Variants in TSG101 observed in about 807,000 individuals in gnomAD.
TSG101 encodes the protein tumor susceptibility 101.
A neutral mutation model predicts 48.5 loss-of-function variants in TSG101; 19 were observed. The observed-to-expected ratio is 0.39, with a 90% CI of 0.27 to 0.58. The LOEUF (loss-of-function observed/expected upper bound fraction) is 0.58. Among genes scored for constraint, TSG101 ranks in the 20% least tolerant of loss-of-function variants. The pLI is 0.55. For missense variants in TSG101, 365 were observed against 484.4 expected (o/e 0.75, Z 2.31); for synonymous variants, 174 against 169.4 (o/e 1.03, Z -0.21).
At chr11:18,496,831 C>T (rs2133913220) in intron 7 of TSG101, among the ~76,000 whole-genome samples, 1 of 152,240 alleles carries the variant, frequency 6.6e-6, no homozygotes, top group South Asian at 2.1e-4. Context: ...TGGCTCAGGC[C>T]TGTAATACCA....
At chr11:18,497,112 C>G (rs1435368874) in intron 7 of TSG101, among the ~76,000 whole-genome samples, 1 of 151,834 alleles carries the variant, frequency 6.6e-6, no homozygotes, top group African/African-American at 2.4e-5. Flanking sequence ...ACAAAAAAAA[C>G]AAGGATAAAT....
At chr11:18,490,793 C>T (rs1849687565) in intron 7 of TSG101, 11 of 524,818 alleles carry the variant, frequency 2.1e-5, no homozygotes, top group South Asian at 3.1e-5. Flanking sequence ...AGGAAAGCAG[C>T]GGGCACCAAC....
intron 1 of TSG101, among the ~76,000 whole-genome samples, chr11:18,526,152 A>G (rs1203014522): frequency 1.3e-5 from 2 of 151,748 alleles, no homozygotes; most frequent in African/African-American, 4.8e-5. Flanking sequence ...AAAAAACACT[A>G]GTCTTGAGCC....
rs765179537 is a variant in TSG101 at position 18,483,999 on chromosome 11, C to T, written c.714G>A (p.Leu238=). 6.2e-7 allele frequency: 1 copy of T among 1,614,226 alleles called. No individual in the cohort carries two copies. The highest frequency in any genetic ancestry group is 1.1e-5 in the South Asian group (1 of 91,088). The change falls in exon 8 of 10, where the codon CTG becomes CTA. Residue 238 remains leucine (L), a synonymous_variant. Coordinates refer to ENST00000251968, the MANE Select transcript of TSG101 (RefSeq NM_006292.4). The part of the protein sequence containing the change: ...ASLISAVSDK[L]RWRMKEEMDR... ...CCATTTCCTCCTTCATCCGCCATCT[C>T]AGTTTGTCACTGACCGCAGAGATGA...
In TSG101 at chr11:18,503,118, G is replaced by C. The variant is rs568159778; in HGVS notation, c.549-541C>G. ...CATTCATGTATTCGTATCAAAGTCA[G>C]AGGAACTTTCCTTAGAGGTATTCTA... is the stretch of plus-strand genomic sequence containing the variant. On this transcript the variant is annotated intron_variant, in intron 6 of 9. Transcript: ENST00000251968. Among the ~76,000 whole-genome samples, 4 of 152,246 alleles carry C rather than the reference G, an allele frequency of 2.6e-5. No homozygotes were observed. In the South Asian group the frequency reaches 8.3e-4, roughly 32 times the overall value.
intron 9 of TSG101, among the ~76,000 whole-genome samples, chr11:18,480,989 T>C (rs1248479675): frequency 6.6e-6 from 1 of 152,080 alleles, no homozygotes; most frequent in African/African-American, 2.4e-5. Flanking sequence ...GTTTGGCCAT[T>C]CCCCCACAGT....
At chr11:18,494,017 A>T (rs138571842) in intron 7 of TSG101, among the ~76,000 whole-genome samples, 7 of 152,306 alleles carry the variant, frequency 4.6e-5, no homozygotes, top group African/African-American at 1.7e-4. Flanking sequence ...CACAATCAAT[A>T]AGAAAAAATT....
intron 7 of TSG101, among the ~76,000 whole-genome samples, chr11:18,501,087 C>T (rs531220912): frequency 1.3e-5 from 2 of 152,322 alleles, no homozygotes; most frequent in Non-Finnish European, 2.9e-5. Context: ...GGATTACAGA[C>T]GTGAGCCACT....
intron 2 of TSG101, among the ~76,000 whole-genome samples, chr11:18,516,742 G>C (rs1330685073): frequency 6.6e-6 from 1 of 151,846 alleles, no homozygotes; most frequent in Non-Finnish European, 1.5e-5. Flanking sequence ...AGGAGTTTGA[G>C]ACTAGCCTGA....
At chr11:18,513,297 C>A (rs1002599669) in intron 4 of TSG101, among the ~76,000 whole-genome samples, 4 of 151,654 alleles carry the variant, frequency 2.6e-5, no homozygotes, top group African/African-American at 7.3e-5. Flanking sequence ...AGTATCTCAT[C>A]TTTTCTTTTC....
chr11:18,481,482 G>A (rs1849539112), intron 9 of TSG101, 148 bp downstream of exon 9: 2 of 1,437,138 alleles, frequency 1.4e-6, no homozygotes, highest in Non-Finnish European at 1.8e-6. Flanking sequence ...AAAAGATGGT[G>A]CAAAACCCTA....
chr11:18,518,567 A>T (rs1045480151), intron 2 of TSG101, among the ~76,000 whole-genome samples: 3 of 152,186 alleles, frequency 2.0e-5, no homozygotes, highest in Non-Finnish European at 4.4e-5. Context: ...TCTCAATAGA[A>T]AGTAGAGACA....
chr11:18,526,516 G>A (rs1248600585), intron 1 of TSG101, among the ~76,000 whole-genome samples: 1 of 152,236 alleles, frequency 6.6e-6, no homozygotes, highest in Non-Finnish European at 1.5e-5. Context: ...GAGGAGGGCG[G>A]GTGGGCGGCA....
At chr11:18,481,096 T>C (rs551921240) in intron 9 of TSG101, among the ~76,000 whole-genome samples, 42 of 152,282 alleles carry the variant, frequency 2.8e-4, no homozygotes, top group Non-Finnish European at 5.1e-4. Context: ...CCTAAAACCA[T>C]GTTCTCCATG....
chr11:18,502,365 T>C (rs887978933), intron 7 of TSG101, 121 bp downstream of exon 7: 1 of 653,172 alleles, frequency 1.5e-6, no homozygotes, highest in Non-Finnish European at 2.5e-6. Context: ...TATAGTACAT[T>C]ATTATAGGTT....
At chr11:18,494,620 CAT>C (rs2133910935) in intron 7 of TSG101, among the ~76,000 whole-genome samples, 1 of 152,332 alleles carries the variant, frequency 6.6e-6, no homozygotes, top group Admixed American at 6.5e-5. Flanking sequence ...AAATTTCACT[CAT>C]GACTCACTGA....
Position 18,514,689 on chromosome 11 carries a change from C to T in TSG101, c.346G>A (p.Glu116Lys). ...NGKIYLPYLH[E>K]WKHPQSDLLG... ...CTATGAATACTTACGTGTTTCCATT[C>T]ATGTAGATAAGGAAGATATATCTTC... Residue 116 changes from glutamate to lysine, a missense_variant, in exon 4 of 10, where the codon GAA becomes AAA. By Grantham distance (56) the Glu-to-Lys change is moderately conservative. Coordinates refer to ENST00000251968, the MANE Select transcript of TSG101 (RefSeq NM_006292.4). 2 of 1,572,740 alleles carry T rather than the reference C, an allele frequency of 1.3e-6. No homozygotes were observed. Among genetic ancestry groups the T allele is most frequent in the Non-Finnish European group, 8.6e-7 (1 of 1,167,470 alleles).
intron 8 of TSG101, among the ~76,000 whole-genome samples, chr11:18,482,671 C>G (rs925432665): frequency 5.3e-5 from 8 of 152,286 alleles, no homozygotes; most frequent in Non-Finnish European, 8.8e-5. Flanking sequence ...GCTTAAAGAG[C>G]TGAAGGTTGC....
At chr11:18,506,307 T>C (rs1362417138) in intron 6 of TSG101, among the ~76,000 whole-genome samples, 1 of 151,628 alleles carries the variant, frequency 6.6e-6, no homozygotes, top group Non-Finnish European at 1.5e-5. Flanking sequence ...GTATATCTAG[T>C]ATAGATAGCT....
Sources: gnomAD v4.1 joint callset for allele counts (sites outside exome capture counted in the v4.1 genomes callset) on GRCh38, gnomAD v4.1.1 for gene constraint, MANE v1.5 for transcripts, NCBI Gene and HGNC (gene_info 2026-07-23, HGNC 2026-07-21) for gene names.